Variants in DGKI observed in about 807,000 individuals in gnomAD.
DGKI encodes diacylglycerol kinase iota.
A neutral mutation model predicts 147.5 loss-of-function variants in DGKI; 55 were observed. That is an observed-to-expected ratio of 0.37 (90% CI 0.30 to 0.47). DGKI has a LOEUF of 0.47. Ranked by LOEUF, DGKI falls within the 20% of genes least tolerant of loss-of-function variation. The probability of loss-of-function intolerance (pLI) is 1.00; values close to 1 mark genes in which losing one functional copy is unlikely to be tolerated. For synonymous variants in DGKI, 469 were observed against 477.1 expected, an observed-to-expected ratio of 0.98 and a Z score of 0.22; for missense variants, 1,007 against 1,323.8, an observed-to-expected ratio of 0.76 and a Z score of 3.71.
chr7:137,824,041 T>C (rs1797981546), intron 1 of DGKI, among the ~76,000 whole-genome samples: 1 of 152,110 alleles, frequency 6.6e-6, no homozygotes, highest in Admixed American at 6.5e-5. Context: ...AAGAAACACA[T>C]AAGGGTGGGA....
intron 1 of DGKI, among the ~76,000 whole-genome samples, chr7:137,762,080 T>C (rs185661661): frequency 1.1e-3 from 174 of 152,356 alleles, no homozygotes; most frequent in African/African-American, 3.9e-3. Context: ...ATTTCTGGCC[T>C]AGAGTGTCAA....
At chr7:137,765,039 G>A (rs1795971014) in intron 1 of DGKI, among the ~76,000 whole-genome samples, 1 of 152,184 alleles carries the variant, frequency 6.6e-6, no homozygotes, top group Admixed American at 6.5e-5. Context: ...TTTCTCCTGA[G>A]ACATGCTTCC....
chr7:137,829,852 G>A (rs982542438), intron 1 of DGKI, among the ~76,000 whole-genome samples: 1 of 152,250 alleles, frequency 6.6e-6, no homozygotes, highest in African/African-American at 2.4e-5. Flanking sequence ...TTTTGGAAGA[G>A]TTGGTCACAG....
intron 8 of DGKI, among the ~76,000 whole-genome samples, chr7:137,613,617 A>G (rs890108870): frequency 2.0e-5 from 3 of 152,180 alleles, no homozygotes; most frequent in African/African-American, 7.2e-5. Context: ...AAGGGGGACT[A>G]TTATGAAGAA....
At chr7:137,596,541 G>A (rs1585268361) in intron 12 of DGKI, among the ~76,000 whole-genome samples, 1 of 152,012 alleles carries the variant, frequency 6.6e-6, no homozygotes, top group South Asian at 2.1e-4. Flanking sequence ...GGTATTGTGT[G>A]GGGGAAAAAA....
At chr7:137,490,811 A>C (rs1403550314) in intron 21 of DGKI, among the ~76,000 whole-genome samples, 1 of 152,172 alleles carries the variant, frequency 6.6e-6, no homozygotes, top group Non-Finnish European at 1.5e-5. Context: ...GGTAGCAGAG[A>C]CTTTGTTTAA....
At chr7:137,470,074 A>G (rs901326665) in intron 23 of DGKI, among the ~76,000 whole-genome samples, 5 of 152,206 alleles carry the variant, frequency 3.3e-5, no homozygotes, top group Non-Finnish European at 5.9e-5. Context: ...ATCCATACAC[A>G]GGGACTGTTC....
intron 1 of DGKI, among the ~76,000 whole-genome samples, chr7:137,777,096 A>G (rs766531086): frequency 6.6e-6 from 1 of 152,070 alleles, no homozygotes; most frequent in South Asian, 2.1e-4. Flanking sequence ...AGGAGGCTAG[A>G]GCAGATGATT....
chr7:137,541,251 G>C (rs767091579), intron 20 of DGKI, among the ~76,000 whole-genome samples: 1 of 152,188 alleles, frequency 6.6e-6, no homozygotes, highest in Admixed American at 6.5e-5. Context: ...GTGCGTATAC[G>C]TGTGTGCATG....
intron 3 of DGKI, among the ~76,000 whole-genome samples, chr7:137,670,938 C>T (rs1029576867): frequency 1.3e-5 from 2 of 152,168 alleles, no homozygotes; most frequent in Non-Finnish European, 2.9e-5. Flanking sequence ...ACCAGCTAGA[C>T]CTGAATACGC....
Position 137,810,013 on chromosome 7 carries a change from C to T in DGKI, c.401+36449G>A, listed in dbSNP as rs1355273679. On this transcript the variant is annotated intron_variant, in intron 1 of 32. Coordinates refer to ENST00000614521, the MANE Select transcript of DGKI (RefSeq NM_001321708.2). Reference sequence around the variant, plus strand: ...GGTGCAGGAGTAAGAGGTTCTTCTGCTTTCACAGCCAAGAGCCTCATATAT... The same window carrying T: ...GGTGCAGGAGTAAGAGGTTCTTCTGTTTTCACAGCCAAGAGCCTCATATAT... 2.0e-5 allele frequency among the ~76,000 whole-genome samples: 3 copies of T among 152,296 alleles called. No individual in the cohort carries two copies. In the East Asian group the frequency reaches 5.8e-4, roughly 29 times the overall value.
intron 28 of DGKI, among the ~76,000 whole-genome samples, chr7:137,413,415 T>A (rs968546024): frequency 3.3e-5 from 5 of 151,546 alleles, no homozygotes; most frequent in African/African-American, 1.2e-4. Context: ...CAACAAGAGG[T>A]TTTTCAGCCT....
In DGKI at chr7:137,711,135, T is replaced by C. The variant is rs534950414; in HGVS notation, c.402-21133A>G. On this transcript the variant is annotated intron_variant, in intron 1 of 32. Coordinates refer to ENST00000614521, the MANE Select transcript of DGKI (RefSeq NM_001321708.2). ...GACAATATTACCTCTTGGCAAGATATAGAGCTTACATACTGTCACAAGGAG... is the reference window on the plus strand; with the variant it reads ...GACAATATTACCTCTTGGCAAGATACAGAGCTTACATACTGTCACAAGGAG... 2.1e-4 allele frequency among the ~76,000 whole-genome samples: 32 copies of C among 152,240 alleles called. No individual in the cohort carries two copies. The South Asian group carries it at 6.2e-3, about 30-fold the overall frequency.
intron 20 of DGKI, among the ~76,000 whole-genome samples, chr7:137,538,664 T>C (rs184079305): frequency 6.6e-6 from 1 of 152,262 alleles, no homozygotes; most frequent in East Asian, 1.9e-4. Flanking sequence ...CAAGAAGAAA[T>C]GCAGTCCGAT....
intron 11 of DGKI, among the ~76,000 whole-genome samples, 183 bp from the exon 12 acceptor site, chr7:137,598,090 A>G (rs1819860994): frequency 6.6e-6 from 1 of 152,246 alleles, no homozygotes; most frequent in Non-Finnish European, 1.5e-5. Flanking sequence ...CACCAGTGGA[A>G]CAGGTGTAGG....
In DGKI at chr7:137,428,796, G is replaced by T. The variant is rs1212552504; in HGVS notation, c.2761+15281C>A. Reference sequence around the variant, plus strand: ...GAGCCAAATCATGAGTGAACTCCCAGTCACAATTGCTTCAAAGAGAATAAA... The same window carrying T: ...GAGCCAAATCATGAGTGAACTCCCATTCACAATTGCTTCAAAGAGAATAAA... On this transcript the variant is annotated intron_variant, in intron 28 of 32. Coordinates refer to ENST00000614521, the MANE Select transcript of DGKI (RefSeq NM_001321708.2). 4.2e-4 allele frequency among the ~76,000 whole-genome samples: 64 copies of T among 151,762 alleles called. 1 individual carries two copies. The highest frequency in any genetic ancestry group is 2.7e-3 in the East Asian group (14 of 5,146).
intron 11 of DGKI, among the ~76,000 whole-genome samples, chr7:137,599,386 AGC>A (rs956961620): frequency 6.6e-6 from 1 of 151,678 alleles, no homozygotes; most frequent in African/African-American, 2.4e-5. Context: ...CTCACACACA[AGC>A]GCGCGCACAC....
At chr7:137,788,635 T>TACACACACACACAC (rs745381286) in intron 1 of DGKI, among the ~76,000 whole-genome samples, 6 of 120,120 alleles carry the variant, frequency 5.0e-5, no homozygotes, top group African/African-American at 1.5e-4. Flanking sequence ...AACCCATAAA[T>TACACACACACACAC]ACACACACAC....
chr7:137,580,010 T>C (rs1259096799), intron 15 of DGKI, among the ~76,000 whole-genome samples: 2 of 152,122 alleles, frequency 1.3e-5, no homozygotes, highest in African/African-American at 4.8e-5. Context: ...CTCTGATGCA[T>C]AGAAACTTCA....
Sources: gnomAD v4.1 joint callset for allele counts (sites outside exome capture counted in the v4.1 genomes callset) on GRCh38, gnomAD v4.1.1 for gene constraint, MANE v1.5 for transcripts, NCBI Gene and HGNC (gene_info 2026-07-23, HGNC 2026-07-21) for gene names.